The following ZCCHC10 variants were observed in gnomAD, a reference collection of about 807,000 sequenced individuals.
ZCCHC10 encodes the protein zinc finger CCHC-type containing 10.
A neutral mutation model predicts 19.5 loss-of-function variants in ZCCHC10; 16 were observed. The observed-to-expected ratio is 0.82, with a 90% CI of 0.56 to 1.25. The LOEUF (loss-of-function observed/expected upper bound fraction) is 1.25, where lower values mean the gene tolerates loss of function less well. Ranked by LOEUF, ZCCHC10 falls within the 50% of genes most tolerant of loss-of-function variation. The pLI, the probability that ZCCHC10 is intolerant of heterozygous loss-of-function variation, is 0.00. For missense variants in ZCCHC10, 197 were observed against 201.0 expected, an observed-to-expected ratio of 0.98 and a Z score of 0.12; for synonymous variants, 67 against 72.5, an observed-to-expected ratio of 0.92 and a Z score of 0.38.
intron 1 of ZCCHC10, among the ~76,000 whole-genome samples, chr5:133,023,860 G>T (rs1445656630): frequency 6.6e-6 from 1 of 151,936 alleles, no homozygotes; most frequent in African/African-American, 2.4e-5. Flanking sequence ...AGTAATATAT[G>T]CTCCTTGTAA....
rs534510336 is a variant in ZCCHC10 at position 133,006,994 on chromosome 5, T to A, written c.108-74A>T. 57 of 1,365,310 alleles carry A rather than the reference T, an allele frequency of 4.2e-5. No homozygotes were observed. In the East Asian group the frequency reaches 1.4e-3, roughly 33 times the overall value. The allele number at this position is 1,365,310 out of a possible 1,614,324, so 84.6% of individuals were successfully genotyped here. A position where few individuals can be genotyped will look rare whatever the true frequency, so the allele number is the denominator to read the frequency against. On this transcript the variant is annotated intron_variant, in intron 2 of 4. Coordinates refer to ENST00000509437, the MANE Select transcript of ZCCHC10 (RefSeq NM_001300816.3). ...TTTCACCCTAAAAACTATAAAAAAA[T>A]ATAAAGGATAAAATTATGTTTACTC...
intron 3 of ZCCHC10, among the ~76,000 whole-genome samples, chr5:133,001,013 C>T (rs1196832709): frequency 6.6e-6 from 1 of 152,032 alleles, no homozygotes; most frequent in African/African-American, 2.4e-5. Context: ...GTTATAAAGT[C>T]TGGTAAATTT....
rs74843776 is a variant in ZCCHC10, at chr5:133,025,503, C to CAAA, written c.41+991_41+993dup. 4.9e-3 allele frequency among the ~76,000 whole-genome samples: 91 copies of CAAA among 18,502 alleles called. 2 individuals carry two copies. The highest frequency in any genetic ancestry group is 8.0e-3 in the Non-Finnish European group (65 of 8,122). 12.1% of individuals were successfully genotyped at this position (18,502 alleles called of 152,430 possible). A position where few individuals can be genotyped will look rare whatever the true frequency, so the allele number is the denominator to read the frequency against. On this transcript the variant is annotated intron_variant, in intron 1 of 4. Transcript: ENST00000509437. Reference sequence around the variant, plus strand: ...TGGGAGACAGAGCAAGACTCCGCCTCAAAAAAAAAAAAAAAAAAAAAAAAA... The same window carrying CAAA: ...TGGGAGACAGAGCAAGACTCCGCCTCAAAAAAAAAAAAAAAAAAAAAAAAAAAA...
intron 1 of ZCCHC10, among the ~76,000 whole-genome samples, chr5:133,025,137 G>A (rs1380699344): frequency 6.6e-6 from 1 of 152,114 alleles, no homozygotes; most frequent in Non-Finnish European, 1.5e-5. Flanking sequence ...CATGAAAATG[G>A]AGATGGCATG....
intron 2 of ZCCHC10, chr5:133,019,037 C>T (rs1220547872): frequency 1.3e-5 from 6 of 447,540 alleles, no homozygotes; most frequent in African/African-American, 1.2e-4. Flanking sequence ...ACCAGACATT[C>T]TGGAGTTTGT....
intron 1 of ZCCHC10, 135 bp downstream of exon 1, chr5:133,026,362 G>GC (rs1764712567): frequency 2.3e-6 from 3 of 1,279,190 alleles, no homozygotes; most frequent in East Asian, 2.5e-5. Flanking sequence ...CCGGGCCCGA[G>GC]CCCCCCGGGA....
chr5:133,020,095 CAG>C (rs1442630772), intron 2 of ZCCHC10, among the ~76,000 whole-genome samples: 1 of 152,022 alleles, frequency 6.6e-6, no homozygotes, highest in African/African-American at 2.4e-5. Flanking sequence ...CTTTGGGAAA[CAG>C]AGGTGGGAGG....
chr5:133,015,798 A>C (rs1763882707), intron 2 of ZCCHC10, among the ~76,000 whole-genome samples: 1 of 152,190 alleles, frequency 6.6e-6, no homozygotes, highest in Non-Finnish European at 1.5e-5. Flanking sequence ...ATTGATATTT[A>C]TTGTTATAAG....
intron 2 of ZCCHC10, among the ~76,000 whole-genome samples, chr5:133,011,646 A>C (rs1422209507): frequency 6.6e-6 from 1 of 151,012 alleles, no homozygotes; most frequent in Non-Finnish European, 1.5e-5. Flanking sequence ...AAAAAAAAAA[A>C]AACCTGACTG....
chr5:133,023,640 G>A (rs778580451), intron 1 of ZCCHC10, among the ~76,000 whole-genome samples: 1 of 151,806 alleles, frequency 6.6e-6, no homozygotes, highest in South Asian at 2.1e-4. Context: ...CAGGCGGGTA[G>A]CACATGCCTG....
chr5:133,008,155 G>A (rs1441950710), intron 2 of ZCCHC10, among the ~76,000 whole-genome samples: 1 of 150,186 alleles, frequency 6.7e-6, no homozygotes, highest in Non-Finnish European at 1.5e-5. Flanking sequence ...AACCTGGGAG[G>A]CAAAGCTTGC....
At chr5:133,007,935 C>T (rs776259863) in intron 2 of ZCCHC10, among the ~76,000 whole-genome samples, 15 of 151,996 alleles carry the variant, frequency 9.9e-5, no homozygotes, top group East Asian at 1.9e-4. Flanking sequence ...CTTTAAGAAT[C>T]GGAAAATCAG....
intron 3 of ZCCHC10, among the ~76,000 whole-genome samples, chr5:133,002,001 C>T (rs550710622): frequency 1.6e-3 from 174 of 112,122 alleles, no homozygotes; most frequent in Admixed American, 3.6e-3. Context: ...CTCCCTCTGT[C>T]GCCCAGGCAG....
rs1762499530 is a variant in ZCCHC10, at chr5:132,997,438, A to C, written c.*1145T>G. 6.6e-6 allele frequency: 1 copy of C among 152,178 alleles called. No individual in the cohort carries two copies. Among genetic ancestry groups the C allele is most frequent in the South Asian group, 2.1e-4 (1 of 4,830 alleles). 9.4% of individuals were successfully genotyped at this position (152,178 alleles called of 1,614,324 possible). ...CAAAAAGTTAAAAAGACATCACAGA[A>C]TACTGTGATGTTAAACCAAAGACTC... On this transcript the variant is annotated 3_prime_UTR_variant, in exon 5 of 5. Transcript: ENST00000509437.
At chr5:133,011,644 A>AAC (rs1763539083) in intron 2 of ZCCHC10, among the ~76,000 whole-genome samples, 1 of 151,024 alleles carries the variant, frequency 6.6e-6, no homozygotes, top group Non-Finnish European at 1.5e-5. Context: ...AAAAAAAAAA[A>AAC]AAAACCTGAC....
intron 2 of ZCCHC10, among the ~76,000 whole-genome samples, chr5:133,007,557 A>C (rs57105219): frequency 0.31 from 46,449 of 150,474 alleles, 8,128 homozygotes; most frequent in African/African-American, 0.47. Flanking sequence ...AAAAAAAAAA[A>C]AACAAAAAAC....
At chr5:133,000,002 C>A (rs2126537064) in intron 4 of ZCCHC10, 130 bp downstream of exon 4, 1 of 965,786 alleles carries the variant, frequency 1.0e-6, no homozygotes, top group Admixed American at 2.5e-5. Context: ...CCCACCTTGG[C>A]CTCCCAAAGT....
At chr5:133,004,726 G>A (rs59669921) in intron 3 of ZCCHC10, among the ~76,000 whole-genome samples, 29,032 of 150,958 alleles carry the variant, frequency 0.19, 3,104 homozygotes, top group Non-Finnish European at 0.25. Flanking sequence ...TCCTGACCTC[G>A]TGATCTGCCT....
intron 2 of ZCCHC10, among the ~76,000 whole-genome samples, chr5:133,012,743 C>A (rs181033654): frequency 4.0e-5 from 6 of 151,464 alleles, no homozygotes; most frequent in Admixed American, 3.3e-4. Context: ...GGTGAAACCT[C>A]ATTTCTACTA....
Sources: gnomAD v4.1 joint callset for allele counts (sites outside exome capture counted in the v4.1 genomes callset) on GRCh38, gnomAD v4.1.1 for gene constraint, MANE v1.5 for transcripts, NCBI Gene and HGNC (gene_info 2026-07-23, HGNC 2026-07-21) for gene names.